The following BCAS3 variants were observed in gnomAD, a reference collection of about 807,000 sequenced individuals.
BCAS3 encodes BCAS3 microtubule associated cell migration factor.
Under a neutral mutation model 116.1 loss-of-function variants are expected in BCAS3, and 53 were observed. The observed-to-expected ratio is 0.46, with a 90% CI of 0.37 to 0.57. The LOEUF (loss-of-function observed/expected upper bound fraction) is 0.57. BCAS3 is among the 20% of genes least tolerant of loss of function. The pLI, the probability that BCAS3 is intolerant of heterozygous loss-of-function variation, is 0.00. For synonymous variants in BCAS3, 391 were observed against 408.2 expected, an observed-to-expected ratio of 0.96 and a Z score of 0.51; for missense variants, 917 against 1,165.4, an observed-to-expected ratio of 0.79 and a Z score of 3.10.
chr17:61,235,138 C>T lies in BCAS3; in HGVS notation c.2426-133189C>T, dbSNP rs181870594. Among the ~76,000 whole-genome samples, 48 of 152,306 alleles carry T rather than the reference C, an allele frequency of 3.2e-4. No homozygotes were observed. The highest frequency in any genetic ancestry group is 1.7e-3 in the East Asian group (9 of 5,178). On this transcript the variant is annotated intron_variant, in intron 22 of 23. Transcript: ENST00000407086. This position sits in a 1 kb window ranked among gnomAD's most constrained non-coding sequence, Gnocchi z 5.0. Reference sequence around the variant, plus strand: ...CTGACCTAAGATGATCCGCCCACTTCGGTCTTCCAAAGTGCTGGGATTATA... The same window carrying T: ...CTGACCTAAGATGATCCGCCCACTTTGGTCTTCCAAAGTGCTGGGATTATA...
rs1209453605 is a variant in BCAS3, at chr17:61,325,689, T to C, written c.2426-42638T>C. Among the ~76,000 whole-genome samples the C allele has an allele frequency of 6.6e-6, 1 of 152,208 alleles. No homozygotes were observed. The highest frequency in any genetic ancestry group is 1.5e-5 in the Non-Finnish European group (1 of 68,044). ...CGTTTTCAAAGAATAACTGGCTGGC[T>C]TCCAGGAGTAACAGGCCTGATGATG... is the stretch of plus-strand genomic sequence containing the variant. On this transcript the variant is annotated intron_variant, in intron 22 of 23. Transcript: ENST00000407086. This position sits in a 1 kb window ranked among gnomAD's most constrained non-coding sequence, Gnocchi z 6.4.
intron 22 of BCAS3, among the ~76,000 whole-genome samples, chr17:61,341,339 C>T (rs1021531892): frequency 6.6e-6 from 1 of 152,142 alleles, no homozygotes; most frequent in African/African-American, 2.4e-5. Context: ...GAGAGGACTC[C>T]GGGGCAGGCG....
chr17:61,137,153 T>C (rs2076686517), intron 22 of BCAS3, among the ~76,000 whole-genome samples: 2 of 152,220 alleles, frequency 1.3e-5, no homozygotes, highest in Non-Finnish European at 2.9e-5. Flanking sequence ...ATATATCTTA[T>C]TTAATGCTGA....
At chr17:60,945,166 A>T (rs892828918) in intron 13 of BCAS3, among the ~76,000 whole-genome samples, 1 of 152,238 alleles carries the variant, frequency 6.6e-6, no homozygotes, top group Non-Finnish European at 1.5e-5. Context: ...AAAATTGATC[A>T]TTTTAAAAAA....
chr17:60,708,548 C>T lies in BCAS3; in HGVS notation c.215-671C>T, dbSNP rs554841502. On this transcript the variant is annotated intron_variant, in intron 4 of 23. Transcript: ENST00000407086. ...TAATAATAATAATAATTACTATTTTCGAGACGGAGTCTTGCTGTGTCACCC... is the reference window on the plus strand; with the variant it reads ...TAATAATAATAATAATTACTATTTTTGAGACGGAGTCTTGCTGTGTCACCC... 5.3e-5 allele frequency among the ~76,000 whole-genome samples: 8 copies of T among 151,812 alleles called. No homozygotes were observed. In the South Asian group the frequency reaches 1.0e-3, roughly 20 times the overall value.
chr17:61,363,306 TAG>T lies in BCAS3; in HGVS notation c.2426-5018_2426-5017del, dbSNP rs1373643338. On this transcript the variant is annotated intron_variant, in intron 22 of 23. Coordinates refer to ENST00000407086, the MANE Select transcript of BCAS3 (RefSeq NM_017679.5). The surrounding 1 kb of genome is among the most constrained non-coding windows in gnomAD (Gnocchi z 4.9). ...AAAGATAGAGCACCTTTTATGCCGTTAGAGTTTGAGCAAGAGTAGTCTTTATA... is the reference window on the plus strand; with the variant it reads ...AAAGATAGAGCACCTTTTATGCCGTTAGTTTGAGCAAGAGTAGTCTTTATA... Among the ~76,000 whole-genome samples the T allele has an allele frequency of 6.6e-6, 1 of 152,214 alleles. No homozygotes were observed. Among genetic ancestry groups the T allele is most frequent in the Non-Finnish European group, 1.5e-5 (1 of 68,032 alleles).
In BCAS3 at chr17:61,344,397, T is replaced by G. The variant is rs963384039; in HGVS notation, c.2426-23930T>G. On this transcript the variant is annotated intron_variant, in intron 22 of 23. Coordinates refer to ENST00000407086, the MANE Select transcript of BCAS3 (RefSeq NM_017679.5). The surrounding 1 kb of genome is among the most constrained non-coding windows in gnomAD (Gnocchi z 4.1). ...CAGCTTCATCTTCACGGGGACTTTC[T>G]TCCATCTGTGCACTGATGTTAGTGT... 3.3e-5 allele frequency among the ~76,000 whole-genome samples: 5 copies of G among 152,224 alleles called. No individual in the cohort carries two copies. Among genetic ancestry groups the G allele is most frequent in the African/African-American group, 1.2e-4 (5 of 41,448 alleles).
At chr17:61,172,550 G>T (rs571161113) in intron 22 of BCAS3, among the ~76,000 whole-genome samples, 14 of 152,194 alleles carry the variant, frequency 9.2e-5, no homozygotes, top group Admixed American at 2.0e-4. Flanking sequence ...GGAGGGAGAA[G>T]GGCGTGAACC....
At chr17:60,810,728 T>C in intron 7 of BCAS3, 1 of 663,998 alleles carries the variant, frequency 1.5e-6, no homozygotes. Flanking sequence ...CTCTGCAAGG[T>C]CACTGATGAC....
At chr17:61,167,574 T>G (rs1413010695) in intron 22 of BCAS3, among the ~76,000 whole-genome samples, 1 of 152,212 alleles carries the variant, frequency 6.6e-6, no homozygotes, top group African/African-American at 2.4e-5. Flanking sequence ...ACCCTGGACA[T>G]TAGGCACTAG....
chr17:61,233,226 T>C lies in BCAS3; in HGVS notation c.2426-135101T>C, dbSNP rs1015935150. On this transcript the variant is annotated intron_variant, in intron 22 of 23. Transcript: ENST00000407086. The surrounding 1 kb of genome is among the most constrained non-coding windows in gnomAD (Gnocchi z 4.3). Reference sequence around the variant, plus strand: ...AGGAGGTGATAAAGATTAGAGCTGATTGGGAAGGTTCTGAATGCCCAAGTT... The same window carrying C: ...AGGAGGTGATAAAGATTAGAGCTGACTGGGAAGGTTCTGAATGCCCAAGTT... 6.6e-6 allele frequency among the ~76,000 whole-genome samples: 1 copy of C among 152,210 alleles called. No individual in the cohort carries two copies. Among genetic ancestry groups the C allele is most frequent in the Non-Finnish European group, 1.5e-5 (1 of 68,028 alleles).
At chr17:60,999,852 T>C (rs1600351271) in intron 15 of BCAS3, among the ~76,000 whole-genome samples, 1 of 152,184 alleles carries the variant, frequency 6.6e-6, no homozygotes, top group Non-Finnish European at 1.5e-5. Context: ...TAGTTGTCCT[T>C]GTAGAGGTCT....
At position 61,265,428 on chromosome 17, in the gene BCAS3, C is replaced by G. The variant is rs1404954191; in HGVS notation, c.2426-102899C>G. On this transcript the variant is annotated intron_variant, in intron 22 of 23. Transcript: ENST00000407086. This position sits in a 1 kb window ranked among gnomAD's most constrained non-coding sequence, Gnocchi z 4.3. ...TCAAGAAAAAAAAAAAAAGAAAGCA[C>G]AGTACCTGATACATAACAGATATTC... Among the ~76,000 whole-genome samples the G allele has an allele frequency of 6.6e-6, 1 of 151,630 alleles. No individual in the cohort carries two copies. The highest frequency in any genetic ancestry group is 1.5e-5 in the Non-Finnish European group (1 of 67,900).
At position 61,352,361 on chromosome 17, in the gene BCAS3, A is replaced by G. The variant is rs1180852042; in HGVS notation, c.2426-15966A>G. ...GCACACACAAACACACCCTGGGCTG[A>G]CTATAAATCTGCTCCTTGCCTGAGT... On this transcript the variant is annotated intron_variant, in intron 22 of 23. Transcript: ENST00000407086. The surrounding 1 kb of genome is among the most constrained non-coding windows in gnomAD (Gnocchi z 4.7). Among the ~76,000 whole-genome samples the G allele has an allele frequency of 6.6e-6, 1 of 152,238 alleles. No individual in the cohort carries two copies. The highest frequency in any genetic ancestry group is 2.4e-5 in the African/African-American group (1 of 41,462).
chr17:61,167,603 C>T (rs2078589196), intron 22 of BCAS3, among the ~76,000 whole-genome samples: 1 of 152,100 alleles, frequency 6.6e-6, no homozygotes, highest in Non-Finnish European at 1.5e-5. Context: ...AAAGATGGTC[C>T]CCTGACTCAA....
chr17:61,260,017 G>A (rs547540582), intron 22 of BCAS3, among the ~76,000 whole-genome samples: 1 of 152,242 alleles, frequency 6.6e-6, no homozygotes, highest in African/African-American at 2.4e-5. Context: ...CTTTAAGGTA[G>A]GCATTAAGGT....
chr17:60,820,102 G>A (rs982679419), intron 7 of BCAS3, among the ~76,000 whole-genome samples: 2 of 149,914 alleles, frequency 1.3e-5, no homozygotes, highest in East Asian at 1.9e-4. Flanking sequence ...GCAGAGTCTC[G>A]TTCTGTTGCC....
At position 61,068,005 on chromosome 17, in the gene BCAS3, C is replaced by T. The variant is rs2143383418; in HGVS notation, c.2030-6915C>T. Among the ~76,000 whole-genome samples, 1 of 152,100 alleles carries T rather than the reference C, an allele frequency of 6.6e-6. No homozygotes were observed. Among genetic ancestry groups the T allele is most frequent in the South Asian group, 2.1e-4 (1 of 4,814 alleles). Reference sequence around the variant, plus strand: ...TTCTCTAAAGTAAATTGATAGTATTCCCTATTCAGTATTTTCCTTTTCAGT... The same window carrying T: ...TTCTCTAAAGTAAATTGATAGTATTTCCTATTCAGTATTTTCCTTTTCAGT... On this transcript the variant is annotated intron_variant, in intron 19 of 23. Transcript: ENST00000407086. The surrounding 1 kb of genome is among the most constrained non-coding windows in gnomAD (Gnocchi z 4.3).
intron 22 of BCAS3, among the ~76,000 whole-genome samples, chr17:61,299,518 A>G (rs1037137206): frequency 1.6e-4 from 25 of 152,202 alleles, no homozygotes; most frequent in African/African-American, 6.0e-4. Context: ...GCGTTTAAAT[A>G]AATTCATGCC....
Sources: gnomAD v4.1 joint callset for allele counts (sites outside exome capture counted in the v4.1 genomes callset) on GRCh38, gnomAD v4.1.1 for gene constraint, Gnocchi (gnomAD v3.1) non-coding constraint, MANE v1.5 for transcripts, NCBI Gene and HGNC (gene_info 2026-07-23, HGNC 2026-07-21) for gene names.